Variants in DSC3 observed in about 807,000 individuals in gnomAD.
The protein encoded by DSC3 is desmocollin 3.
In DSC3, 97 loss-of-function variants were observed where a neutral mutation model predicts 89.5. That is an observed-to-expected ratio of 1.08 (90% CI 0.92 to 1.28). DSC3 has a LOEUF of 1.28. Among genes scored for constraint, DSC3 ranks in the 50% most tolerant of loss-of-function variants. DSC3 has a pLI of 0.00. For missense variants in DSC3, 1,199 were observed against 1,085.3 expected (o/e 1.10, Z -1.47); for synonymous variants, 436 against 384.1 (o/e 1.14, Z -1.58).
At chr18:31,030,233 T>C (rs1249967929) in intron 3 of DSC3, among the ~76,000 whole-genome samples, 3 of 152,196 alleles carry the variant, frequency 2.0e-5, no homozygotes. Flanking sequence ...GATAGTGCCA[T>C]CTCTATCATG....
chr18:31,040,171 T>C (rs1439882730), intron 1 of DSC3, among the ~76,000 whole-genome samples: 3 of 152,124 alleles, frequency 2.0e-5, no homozygotes, highest in African/African-American at 7.2e-5. Context: ...AGGGGAGTTA[T>C]TGCAAACGTT....
At chr18:30,998,313 T>C (rs940222830) in intron 14 of DSC3, among the ~76,000 whole-genome samples, 2 of 152,088 alleles carry the variant, frequency 1.3e-5, no homozygotes, top group Admixed American at 6.5e-5. Flanking sequence ...AGGACAGAGT[T>C]AGAAATTATT....
rs1456266437 is a variant in DSC3, at chr18:31,024,714, G to T, written c.631-221C>A. On this transcript the variant is annotated intron_variant, in intron 5 of 15. Transcript: ENST00000360428. ...AAATGGCTATCGCAAATAAAACCTA[G>T]GTCAGAGTACAGTGAAGTCGGGGCT... 2.6e-5 allele frequency among the ~76,000 whole-genome samples: 4 copies of T among 152,172 alleles called. No homozygotes were observed. In the East Asian group the frequency reaches 5.8e-4, roughly 22 times the overall value.
intron 9 of DSC3, among the ~76,000 whole-genome samples, chr18:31,012,732 T>C (rs992042081): frequency 1.3e-5 from 2 of 152,196 alleles, no homozygotes; most frequent in Non-Finnish European, 2.9e-5. Context: ...ATAAATTAGT[T>C]TTATGAAGCA....
intron 12 of DSC3, among the ~76,000 whole-genome samples, chr18:31,005,235 C>G (rs1360785687): frequency 1.3e-5 from 2 of 152,146 alleles, no homozygotes; most frequent in East Asian, 3.9e-4. Flanking sequence ...CCTTCAAGAC[C>G]ACACTGTGTC....
chr18:31,021,158 G>A (rs754120530), intron 7 of DSC3, among the ~76,000 whole-genome samples: 80 of 151,672 alleles, frequency 5.3e-4, no homozygotes, highest in Non-Finnish European at 8.7e-4. Flanking sequence ...TCTTCATCAG[G>A]AAAGTAGCAG....
chr18:30,996,296 A>G (rs1020894836), intron 15 of DSC3, among the ~76,000 whole-genome samples: 1 of 152,206 alleles, frequency 6.6e-6, no homozygotes, highest in South Asian at 2.1e-4. Context: ...CATTGCAGAC[A>G]TAAATCATAA....
In DSC3 at chr18:31,032,172, A is replaced by C. The variant is rs1004829215; in HGVS notation, c.154+20T>G. The C allele has an allele frequency of 6.4e-7, 1 of 1,559,174 alleles. No individual in the cohort carries two copies. Among genetic ancestry groups the C allele is most frequent in the Admixed American group, 1.7e-5 (1 of 59,944 alleles). ...TGTAAACTAAATTTCTGCTTTAAAA[A>C]GACTTTTAAAATTTCTCACCTCTGC... On this transcript the variant is annotated intron_variant, in intron 2 of 15. Transcript: ENST00000360428.
rs2144668049 is a variant in DSC3, at chr18:30,994,048, G to A, written c.*127C>T. The A allele has an allele frequency of 1.6e-5, 15 of 913,068 alleles. No homozygotes were observed. In the South Asian group the frequency reaches 2.0e-4, roughly 12 times the overall value. The allele number at this position is 913,068 out of a possible 1,614,324, so 56.6% of individuals were successfully genotyped here. A position where few individuals can be genotyped will look rare whatever the true frequency, so the allele number is the denominator to read the frequency against. On this transcript the variant is annotated 3_prime_UTR_variant, in exon 16 of 16. Transcript: ENST00000360428. ...CAACTTGCTTTAAAAATATAAATTG[G>A]TGAGTAGCATAATTCAAAATTGAGA...
Position 31,029,893 on chromosome 18 carries a change from A to C in DSC3, c.355-265T>G, listed in dbSNP as rs114788909. Among the ~76,000 whole-genome samples the C allele has an allele frequency of 7.8e-3, 1,189 of 152,296 alleles. 19 individuals carry two copies. Among genetic ancestry groups the C allele is most frequent in the African/African-American group, 0.028 (1,149 of 41,566 alleles). Reference sequence around the variant, plus strand: ...ACTATACTTTCATGTTAGGAAAATCACCACTATATTCTTAGTTCTTCTTGC... The same window carrying C: ...ACTATACTTTCATGTTAGGAAAATCCCCACTATATTCTTAGTTCTTCTTGC... On this transcript the variant is annotated intron_variant, in intron 3 of 15. Transcript: ENST00000360428.
intron 7 of DSC3, 124 bp downstream of exon 7, chr18:31,022,212 A>G (rs978964121): frequency 4.5e-5 from 54 of 1,196,818 alleles, no homozygotes; most frequent in Non-Finnish European, 5.9e-5. Flanking sequence ...ATTGTTAGGA[A>G]TTCTTATTGT....
intron 12 of DSC3, among the ~76,000 whole-genome samples, chr18:31,006,300 A>ATTATTATTATTATTATTATTATTG (rs1045143416): frequency 1.3e-5 from 2 of 151,452 alleles, no homozygotes; most frequent in African/African-American, 4.9e-5. Context: ...TGGTATTATT[A>ATTATTATTATTATTATTATTATTG]TTATTATTAT....
intron 14 of DSC3, among the ~76,000 whole-genome samples, chr18:30,999,714 G>A (rs1438323951): frequency 6.6e-5 from 10 of 152,068 alleles, no homozygotes; most frequent in African/African-American, 2.4e-4. Context: ...TACTTTTCCA[G>A]TCCTGATTAT....
intron 4 of DSC3, among the ~76,000 whole-genome samples, chr18:31,027,344 C>T (rs949278729): frequency 2.6e-5 from 4 of 152,030 alleles, no homozygotes; most frequent in African/African-American, 4.8e-5. Flanking sequence ...CTCATTTTTG[C>T]TGCTTCTGTT....
chr18:31,032,149 T>G, intron 2 of DSC3, 43 bp downstream of exon 2: 4 of 1,397,718 alleles, frequency 2.9e-6, no homozygotes, highest in Non-Finnish European at 4.1e-6. Context: ...CCAGCCTATG[T>G]AAACTAAATT....
intron 12 of DSC3, 139 bp downstream of exon 12, chr18:31,006,768 T>C: frequency 2.9e-6 from 2 of 701,380 alleles, no homozygotes; most frequent in Non-Finnish European, 2.4e-6. Flanking sequence ...ATAATATTTG[T>C]AAAAGGTTAG....
chr18:31,001,754 AAAAAT>A lies in DSC3; in HGVS notation c.2114-20_2114-16del, dbSNP rs1432467548. 3 of 1,572,676 alleles carry A rather than the reference AAAAAT, an allele frequency of 1.9e-6. No individual in the cohort carries two copies. The highest frequency in any genetic ancestry group is 3.7e-5 in the Admixed American group (2 of 54,540). Reference sequence around the variant, plus strand: ...TAGCAATACAGCTGAATTTAAAAATAAAAATAAAATAACTTACTTTAGCATACATA... The same window carrying A: ...TAGCAATACAGCTGAATTTAAAAATAAAAATAACTTACTTTAGCATACATA... On this transcript the variant is annotated splice_polypyrimidine_tract_variant and intron_variant, in intron 13 of 15. Coordinates refer to ENST00000360428, the MANE Select transcript of DSC3 (RefSeq NM_001941.5).
intron 1 of DSC3, among the ~76,000 whole-genome samples, chr18:31,033,557 A>T (rs938005462): frequency 6.6e-6 from 1 of 152,202 alleles, no homozygotes; most frequent in Non-Finnish European, 1.5e-5. Context: ...AAAAAAAGTG[A>T]ATTTGAACGC....
chr18:31,030,883 T>C, intron 3 of DSC3, 90 bp downstream of exon 3: 1 of 1,169,328 alleles, frequency 8.6e-7, no homozygotes, highest in Non-Finnish European at 1.3e-6. Context: ...AAGGGGAAAA[T>C]ACCCTATTTA....
Sources: allele counts gnomAD v4.1 joint callset (sites outside exome capture counted in the v4.1 genomes callset), GRCh38; gene constraint gnomAD v4.1.1; transcripts MANE v1.5; gene names NCBI Gene and HGNC (gene_info 2026-07-23, HGNC 2026-07-21).